The following HS6ST3 variants were observed in gnomAD, a reference collection of about 807,000 sequenced individuals.
HS6ST3 encodes the protein heparan-sulfate 6-O-sulfotransferase 3.
Under a neutral mutation model 36.7 loss-of-function variants are expected in HS6ST3, and 12 were observed. The observed-to-expected ratio is 0.33, with a 90% CI of 0.21 to 0.53. The LOEUF (loss-of-function observed/expected upper bound fraction) is 0.53. HS6ST3 is among the 20% of genes least tolerant of loss of function. HS6ST3 has a pLI of 0.95. For missense variants in HS6ST3, 584 were observed against 640.9 expected (o/e 0.91, Z 0.96); for synonymous variants, 240 against 257.5 (o/e 0.93, Z 0.65).
chr13:96,207,303 A>C (rs982598509), intron 1 of HS6ST3, among the ~76,000 whole-genome samples: 1 of 152,112 alleles, frequency 6.6e-6, no homozygotes, highest in Admixed American at 6.6e-5. Context: ...GTCACAAAAC[A>C]ACAGATGCTG....
intron 1 of HS6ST3, among the ~76,000 whole-genome samples, chr13:96,622,037 A>G (rs913076260): frequency 5.9e-5 from 9 of 152,152 alleles, no homozygotes; most frequent in Admixed American, 2.0e-4. Flanking sequence ...TGTGAAGTGG[A>G]TCTAAGGTCC....
intron 1 of HS6ST3, among the ~76,000 whole-genome samples, chr13:96,559,267 C>A (rs191028215): frequency 2.0e-5 from 3 of 152,154 alleles, no homozygotes; most frequent in African/African-American, 7.2e-5. Flanking sequence ...TAGACGCCCC[C>A]CCCACCACAC....
At chr13:96,214,060 A>C (rs951285605) in intron 1 of HS6ST3, among the ~76,000 whole-genome samples, 2 of 152,188 alleles carry the variant, frequency 1.3e-5, no homozygotes, top group African/African-American at 4.8e-5. Flanking sequence ...ACCAGGAAGG[A>C]GTTACTAACT....
chr13:96,278,858 A>G (rs757529976), intron 1 of HS6ST3, among the ~76,000 whole-genome samples: 1 of 152,248 alleles, frequency 6.6e-6, no homozygotes, highest in East Asian at 1.9e-4. Flanking sequence ...TGGCAATCAC[A>G]TTTTCAATAT....
chr13:96,229,781 A>ACC (rs151036403), intron 1 of HS6ST3, among the ~76,000 whole-genome samples: 9 of 150,832 alleles, frequency 6.0e-5, no homozygotes, highest in African/African-American at 2.2e-4. Context: ...TCAGGGGGAG[A>ACC]CCCCCCCCTT....
rs753503506 is a variant in HS6ST3 at position 96,832,969 on chromosome 13, G to A, written c.1187G>A (p.Arg396His). ...NVEINEGARQ[R>H]IEDLNFLDMQ... ...GAGATCAACGAGGGTGCCCGCCAACGCATTGAGGATCTAAACTTCCTGGAC... is the reference window on the plus strand; with the variant it reads ...GAGATCAACGAGGGTGCCCGCCAACACATTGAGGATCTAAACTTCCTGGAC... Residue 396 changes from arginine (R) to histidine (H), a missense_variant, in exon 2 of 2, where the codon CGC becomes CAC. Transcript: ENST00000376705. 66 of 1,613,896 alleles carry A rather than the reference G, an allele frequency of 4.1e-5. No homozygotes were observed. The highest frequency in any genetic ancestry group is 5.2e-5 in the Non-Finnish European group (61 of 1,180,008).
At chr13:96,200,551 T>TC (rs1445297091) in intron 1 of HS6ST3, among the ~76,000 whole-genome samples, 1 of 152,148 alleles carries the variant, frequency 6.6e-6, no homozygotes, top group Non-Finnish European at 1.5e-5. Flanking sequence ...TCCTCTTCTC[T>TC]CCCCAGACCA....
At chr13:96,535,314 T>C (rs866796314) in intron 1 of HS6ST3, among the ~76,000 whole-genome samples, 32 of 152,094 alleles carry the variant, frequency 2.1e-4, no homozygotes, top group African/African-American at 7.7e-4. Flanking sequence ...CCCTGCACTT[T>C]GGGAAACCAA....
At chr13:96,092,816 C>G (rs1386786232) in intron 1 of HS6ST3, among the ~76,000 whole-genome samples, 1 of 152,152 alleles carries the variant, frequency 6.6e-6, no homozygotes, top group African/African-American at 2.4e-5. Flanking sequence ...TCTGGCAATT[C>G]TTCAGATACT....
At chr13:96,597,537 T>A (rs1026128444) in intron 1 of HS6ST3, among the ~76,000 whole-genome samples, 3 of 151,812 alleles carry the variant, frequency 2.0e-5, no homozygotes, top group Non-Finnish European at 2.9e-5. Flanking sequence ...TGAGATTATT[T>A]ATTTTTTTTT....
intron 1 of HS6ST3, among the ~76,000 whole-genome samples, chr13:96,745,642 C>T (rs544270777): frequency 1.3e-4 from 20 of 152,034 alleles, no homozygotes; most frequent in Admixed American, 5.2e-4. Context: ...TTGTAAAGGG[C>T]GAAGAATTTC....
In HS6ST3 at chr13:96,769,419, T is replaced by C. The variant is rs1038450983; in HGVS notation, c.708-63071T>C. Among the ~76,000 whole-genome samples, 22 of 149,174 alleles carry C rather than the reference T, an allele frequency of 1.5e-4. 1 individual carries two copies. Among genetic ancestry groups the C allele is most frequent in the Non-Finnish European group, 3.0e-4 (20 of 67,290 alleles). The stretch of plus-strand genomic sequence containing the variant: ...CACTAACTCGTCATCTAGCATTAGG[T>C]ATATCTCCCAATGCTATCCCTCCCC... On this transcript the variant is annotated intron_variant, in intron 1 of 1. Coordinates refer to ENST00000376705, the MANE Select transcript of HS6ST3 (RefSeq NM_153456.4).
intron 1 of HS6ST3, among the ~76,000 whole-genome samples, chr13:96,543,629 C>A (rs139286775): frequency 6.6e-6 from 1 of 152,054 alleles, no homozygotes; most frequent in Non-Finnish European, 1.5e-5. Context: ...CCATTAGATC[C>A]GAAGCCAAGC....
rs374634649 is a variant in HS6ST3, at chr13:96,765,135, G to A, written c.708-67355G>A. 2.1e-5 allele frequency among the ~76,000 whole-genome samples: 3 copies of A among 142,676 alleles called. 1 individual carries two copies. In the South Asian group the frequency reaches 6.8e-4, roughly 32 times the overall value. The allele number at this position is 142,676 out of a possible 152,430, so 93.6% of individuals were successfully genotyped here. A position where few individuals can be genotyped will look rare whatever the true frequency, so the allele number is the denominator to read the frequency against. Reference sequence around the variant, plus strand: ...ACGCCGGACTGCGGACTGCAGTGGCGCAATCTCGGCTCACTGCAAGCTCCG... The same window carrying A: ...ACGCCGGACTGCGGACTGCAGTGGCACAATCTCGGCTCACTGCAAGCTCCG... On this transcript the variant is annotated intron_variant, in intron 1 of 1. Coordinates refer to ENST00000376705, the MANE Select transcript of HS6ST3 (RefSeq NM_153456.4).
intron 1 of HS6ST3, among the ~76,000 whole-genome samples, chr13:96,467,287 G>A (rs1023532224): frequency 7.2e-5 from 11 of 152,122 alleles, no homozygotes; most frequent in African/African-American, 2.4e-4. Flanking sequence ...TGATAAGAAG[G>A]AGAAAGAAGG....
chr13:96,770,182 T>C (rs1206611989), intron 1 of HS6ST3, among the ~76,000 whole-genome samples: 1 of 152,226 alleles, frequency 6.6e-6, no homozygotes, highest in African/African-American at 2.4e-5. Flanking sequence ...TAATAAATTG[T>C]CCAGAACTAT....
intron 1 of HS6ST3, among the ~76,000 whole-genome samples, chr13:96,657,686 A>G (rs1387917919): frequency 3.3e-5 from 5 of 152,140 alleles, no homozygotes; most frequent in Non-Finnish European, 5.9e-5. Context: ...TTGACGGTGG[A>G]CATGCTAATA....
intron 1 of HS6ST3, among the ~76,000 whole-genome samples, chr13:96,475,997 G>T (rs1594788493): frequency 6.6e-6 from 1 of 152,310 alleles, no homozygotes; most frequent in African/African-American, 2.4e-5. Context: ...TGCTTTAGAA[G>T]AATGTAGGCT....
chr13:96,456,280 C>A (rs1428476503), intron 1 of HS6ST3, among the ~76,000 whole-genome samples: 2 of 152,050 alleles, frequency 1.3e-5, no homozygotes, highest in Non-Finnish European at 2.9e-5. Flanking sequence ...TGCATCTTGA[C>A]CCTTTGTGAG....
Sources: allele counts gnomAD v4.1 joint callset (sites outside exome capture counted in the v4.1 genomes callset), GRCh38; gene constraint gnomAD v4.1.1; transcripts MANE v1.5; gene names NCBI Gene and HGNC (gene_info 2026-07-23, HGNC 2026-07-21).